NLK: variants seen among roughly 807,000 people sequenced by gnomAD.
NLK encodes the protein nemo like kinase.
Under a neutral mutation model 59.0 loss-of-function variants are expected in NLK, and 11 were observed. The observed-to-expected ratio is 0.19, with a 90% CI of 0.12 to 0.31. The LOEUF (loss-of-function observed/expected upper bound fraction) is 0.31. Among genes scored for constraint, NLK ranks in the 10% least tolerant of loss-of-function variants. NLK has a pLI of 1.00. For missense variants in NLK, 410 were observed against 661.1 expected, an observed-to-expected ratio of 0.62 and a Z score of 4.16; for synonymous variants, 235 against 235.9, an observed-to-expected ratio of 1.00 and a Z score of 0.03.
intron 1 of NLK, among the ~76,000 whole-genome samples, chr17:28,064,784 G>A (rs192988460): frequency 1.1e-4 from 16 of 152,216 alleles, no homozygotes; most frequent in Middle Eastern, 3.4e-3. Flanking sequence ...TGTGCCTTTC[G>A]GCAAATTGCT....
At chr17:28,127,513 A>G (rs1906340351) in intron 2 of NLK, among the ~76,000 whole-genome samples, 1 of 152,208 alleles carries the variant, frequency 6.6e-6, no homozygotes, top group Non-Finnish European at 1.5e-5. Flanking sequence ...ATGTAGAGGT[A>G]GGTTACTTTT....
chr17:28,120,289 A>G (rs1905984896), intron 1 of NLK, among the ~76,000 whole-genome samples: 2 of 150,874 alleles, frequency 1.3e-5, no homozygotes, highest in Non-Finnish European at 3.0e-5. Flanking sequence ...TGTGTGTAAA[A>G]TACAGACAGG....
intron 7 of NLK, among the ~76,000 whole-genome samples, chr17:28,177,203 A>G (rs1908717768): frequency 6.6e-6 from 1 of 152,154 alleles, no homozygotes; most frequent in South Asian, 2.1e-4. Flanking sequence ...GGCACACTCA[A>G]TATAATTTCT....
At chr17:28,080,025 T>C (rs752383511) in intron 1 of NLK, among the ~76,000 whole-genome samples, 8 of 152,188 alleles carry the variant, frequency 5.3e-5, no homozygotes, top group Non-Finnish European at 1.0e-4. Flanking sequence ...CTTCATTCTT[T>C]TCCATGTGGC....
intron 1 of NLK, among the ~76,000 whole-genome samples, chr17:28,079,307 A>C (rs1910266955): frequency 6.6e-6 from 1 of 152,138 alleles, no homozygotes; most frequent in African/African-American, 2.4e-5. Flanking sequence ...GCTTTTGTGA[A>C]TCTTGCTGTA....
chr17:28,081,842 A>C (rs1910357506), intron 1 of NLK, among the ~76,000 whole-genome samples: 1 of 152,180 alleles, frequency 6.6e-6, no homozygotes, highest in South Asian at 2.1e-4. Context: ...AACACTTGTC[A>C]GTTGCCCAAA....
intron 3 of NLK, among the ~76,000 whole-genome samples, chr17:28,151,446 G>A (rs1907475814): frequency 6.6e-6 from 1 of 152,146 alleles, no homozygotes; most frequent in Non-Finnish European, 1.5e-5. Flanking sequence ...TTCATGGAGT[G>A]AAAAATGTTT....
chr17:28,195,135 C>T lies in NLK; in HGVS notation c.*499C>T, dbSNP rs573648887. ...CAATCATGGAGCCACGTGAGCTGAT[C>T]GTGGCTGCACCTGGGGGGAGGGTAG... On this transcript the variant is annotated 3_prime_UTR_variant, in exon 11 of 11. Transcript: ENST00000407008. 6.6e-6 allele frequency: 1 copy of T among 152,318 alleles called. No individual in the cohort carries two copies. The highest frequency in any genetic ancestry group is 2.1e-4 in the South Asian group (1 of 4,802). 9.4% of individuals were successfully genotyped at this position (152,318 alleles called of 1,614,324 possible). A position where few individuals can be genotyped will look rare whatever the true frequency, so the allele number is the denominator to read the frequency against.
At chr17:28,064,143 C>T (rs1000752096) in intron 1 of NLK, among the ~76,000 whole-genome samples, 70 of 141,806 alleles carry the variant, frequency 4.9e-4, no homozygotes, top group African/African-American at 1.6e-3. Context: ...ATTCAGAGAG[C>T]TGAATTTAGA....
intron 1 of NLK, among the ~76,000 whole-genome samples, chr17:28,112,206 C>G (rs887343542): frequency 3.3e-5 from 5 of 152,232 alleles, no homozygotes; most frequent in South Asian, 2.1e-4. Flanking sequence ...TGCCCTTCTT[C>G]TCAACCAGGA....
chr17:28,191,860 A>T (rs1288434154), intron 9 of NLK, among the ~76,000 whole-genome samples: 1 of 152,204 alleles, frequency 6.6e-6, no homozygotes, highest in Admixed American at 6.5e-5. Context: ...GTCTCTCTCA[A>T]ATTTATAGGC....
intron 1 of NLK, among the ~76,000 whole-genome samples, chr17:28,108,089 C>T (rs952319016): frequency 2.6e-5 from 4 of 152,014 alleles, no homozygotes; most frequent in Middle Eastern, 3.2e-3. Context: ...TAAAAATTAG[C>T]CAGGTGTGGT....
At chr17:28,153,135 G>A (rs1036826845) in intron 3 of NLK, among the ~76,000 whole-genome samples, 3 of 151,754 alleles carry the variant, frequency 2.0e-5, no homozygotes, top group Admixed American at 1.3e-4. Context: ...TTAGCCAGGC[G>A]TGGTAGCACA....
chr17:28,051,423 G>T (rs1453853452), intron 1 of NLK, among the ~76,000 whole-genome samples: 2 of 150,858 alleles, frequency 1.3e-5, no homozygotes. Flanking sequence ...GCAGTGGCAT[G>T]ATCTTGGCTC....
chr17:28,169,721 C>CTTTTTTTTTTTTTTTTTT (rs1193124964), intron 6 of NLK, among the ~76,000 whole-genome samples: 5 of 111,620 alleles, frequency 4.5e-5, no homozygotes, highest in African/African-American at 1.7e-4. Flanking sequence ...GCTTCTTCTT[C>CTTTTTTTTTTTTTTTTTT]TTTTTTTTTT....
chr17:28,084,661 T>G (rs1342114401), intron 1 of NLK, among the ~76,000 whole-genome samples: 7 of 152,146 alleles, frequency 4.6e-5, no homozygotes, highest in Non-Finnish European at 1.5e-5. Flanking sequence ...CCTCCCAGGT[T>G]CAAGTGATTC....
chr17:28,191,585 TGACAA>T (rs914972959), intron 9 of NLK, among the ~76,000 whole-genome samples: 1 of 152,188 alleles, frequency 6.6e-6, no homozygotes, highest in Non-Finnish European at 1.5e-5. Context: ...CCTTGGACGA[TGACAA>T]GAGAAGGGAA....
At chr17:28,087,066 GTTGATA>G (rs1213878330) in intron 1 of NLK, among the ~76,000 whole-genome samples, 1 of 150,390 alleles carries the variant, frequency 6.6e-6, no homozygotes, top group Admixed American at 6.6e-5. Flanking sequence ...AAAAAAAAAA[GTTGATA>G]TTGAGTATAT....
chr17:28,158,606 A>G (rs1285289395), intron 3 of NLK, among the ~76,000 whole-genome samples: 1 of 152,214 alleles, frequency 6.6e-6, no homozygotes, highest in Non-Finnish European at 1.5e-5. Flanking sequence ...GTAAAACACA[A>G]GGACATTGTA....
Sources: allele counts gnomAD v4.1 joint callset (sites outside exome capture counted in the v4.1 genomes callset), GRCh38; gene constraint gnomAD v4.1.1; transcripts MANE v1.5; gene names NCBI Gene and HGNC (gene_info 2026-07-23, HGNC 2026-07-21).